Variants in KCNQ5 observed in about 807,000 individuals in gnomAD.
KCNQ5 encodes the protein potassium voltage-gated channel subfamily Q member 5, also known as potassium voltage-gated channel subfamily KQT member 5.
A neutral mutation model predicts 98.2 loss-of-function variants in KCNQ5; 30 were observed. The ratio of observed to expected loss-of-function variants is 0.31; its 90% CI spans 0.23 to 0.41. The LOEUF is 0.41. Among genes scored for constraint, KCNQ5 ranks in the 10% least tolerant of loss-of-function variants. The pLI is 1.00. For synonymous variants in KCNQ5, 458 were observed against 449.4 expected (o/e 1.02, Z -0.24); for missense variants, 835 against 1,182.5 (o/e 0.71, Z 4.31).
intron 5 of KCNQ5, among the ~76,000 whole-genome samples, chr6:73,101,140 G>A (rs1208733603): frequency 6.6e-6 from 1 of 152,024 alleles, no homozygotes; most frequent in Non-Finnish European, 1.5e-5. Context: ...CATTCTATGA[G>A]GCCAGTGTTA....
intron 1 of KCNQ5, among the ~76,000 whole-genome samples, chr6:72,754,596 G>A (rs1488936621): frequency 6.6e-6 from 1 of 151,986 alleles, no homozygotes; most frequent in Non-Finnish European, 1.5e-5. Context: ...AAATTGCATA[G>A]GAAAGCACCA....
intron 2 of KCNQ5, among the ~76,000 whole-genome samples, chr6:73,007,296 G>A (rs1439896228): frequency 6.6e-6 from 1 of 152,152 alleles, no homozygotes; most frequent in African/African-American, 2.4e-5. Flanking sequence ...ATAGACTTAA[G>A]AATGTGATAC....
intron 1 of KCNQ5, among the ~76,000 whole-genome samples, chr6:72,764,895 A>G (rs1450834935): frequency 2.6e-5 from 4 of 151,940 alleles, no homozygotes; most frequent in Non-Finnish European, 4.4e-5. Context: ...TGCCTGGCTT[A>G]TTTCACTTCA....
At chr6:73,060,775 C>T in intron 3 of KCNQ5, among the ~76,000 whole-genome samples, 1 of 152,108 alleles carries the variant, frequency 6.6e-6, no homozygotes, top group Non-Finnish European at 1.5e-5. Context: ...ACCTCTTAAA[C>T]ATACCCAGTC....
intron 11 of KCNQ5, among the ~76,000 whole-genome samples, chr6:73,188,335 A>G (rs1345538266): frequency 6.6e-6 from 1 of 152,260 alleles, no homozygotes; most frequent in African/African-American, 2.4e-5. Context: ...CATACAAAGT[A>G]CTTCACATAA....
chr6:72,703,129 G>A (rs1309378894), intron 1 of KCNQ5, among the ~76,000 whole-genome samples: 1 of 152,208 alleles, frequency 6.6e-6, no homozygotes, highest in Non-Finnish European at 1.5e-5. Flanking sequence ...TTTTATTAGA[G>A]CAGACTATAC....
intron 11 of KCNQ5, 143 bp downstream of exon 11, chr6:73,169,997 G>A (rs1777947282): frequency 1.6e-6 from 1 of 633,406 alleles, no homozygotes; most frequent in African/African-American, 1.8e-5. Context: ...CTATTGAATT[G>A]TGAAATATTT....
At chr6:73,096,589 A>C (rs75890401) in intron 5 of KCNQ5, among the ~76,000 whole-genome samples, 9 of 152,264 alleles carry the variant, frequency 5.9e-5, no homozygotes, top group Non-Finnish European at 1.0e-4. Flanking sequence ...TATCTAGTTA[A>C]CCTTCTCTTT....
intron 9 of KCNQ5, among the ~76,000 whole-genome samples, chr6:73,129,451 T>A (rs1386371161): frequency 2.0e-5 from 3 of 152,230 alleles, no homozygotes; most frequent in African/African-American, 7.2e-5. Context: ...TTCTTTGAAG[T>A]TCTAAAGTAC....
chr6:72,670,409 G>A (rs1362968431), intron 1 of KCNQ5, among the ~76,000 whole-genome samples: 1 of 152,028 alleles, frequency 6.6e-6, no homozygotes, highest in Non-Finnish European at 1.5e-5. Flanking sequence ...TGTACCTCCA[G>A]CTCTTGCAGC....
intron 1 of KCNQ5, among the ~76,000 whole-genome samples, chr6:72,833,256 C>T (rs527298767): frequency 1.6e-3 from 241 of 152,280 alleles, no homozygotes; most frequent in Admixed American, 3.5e-3. Flanking sequence ...TCTGTTTCCT[C>T]ATCCATAAAG....
At chr6:72,767,764 G>A (rs7770272) in intron 1 of KCNQ5, among the ~76,000 whole-genome samples, 5,798 of 152,040 alleles carry the variant, frequency 0.038, 356 homozygotes, top group African/African-American at 0.13. Context: ...TCAGTGAAAT[G>A]CAAAACAAAA....
intron 1 of KCNQ5, among the ~76,000 whole-genome samples, chr6:72,903,303 T>G (rs2150196758): frequency 6.6e-6 from 1 of 152,320 alleles, no homozygotes; most frequent in African/African-American, 2.4e-5. Flanking sequence ...TCATTTATCT[T>G]TTGTAATTTT....
intron 1 of KCNQ5, among the ~76,000 whole-genome samples, chr6:72,819,360 A>G (rs757199399): frequency 6.6e-6 from 1 of 152,160 alleles, no homozygotes; most frequent in African/African-American, 2.4e-5. Context: ...ATTATTAACT[A>G]TAGTCGCCCA....
At chr6:72,957,713 G>A (rs543362192) in intron 1 of KCNQ5, among the ~76,000 whole-genome samples, 4 of 152,110 alleles carry the variant, frequency 2.6e-5, no homozygotes, top group East Asian at 1.9e-4. Flanking sequence ...CCATAGCATC[G>A]GGAGCTTAAG....
intron 2 of KCNQ5, among the ~76,000 whole-genome samples, chr6:73,029,430 T>TA (rs1197048323): frequency 2.6e-5 from 4 of 151,446 alleles, no homozygotes; most frequent in South Asian, 2.1e-4. Flanking sequence ...TAGGGAGCAT[T>TA]AAAAAAAATG....
intron 1 of KCNQ5, chr6:72,987,440 T>TTCCAAGTTAGCCAA: frequency 2.9e-6 from 2 of 684,962 alleles, no homozygotes; most frequent in Non-Finnish European, 5.6e-6. Context: ...AGTGGGATAC[T>TTCCAAGTTAGCCAA]GCTGGTTTTG....
At chr6:72,969,930 G>A (rs927396786) in intron 1 of KCNQ5, among the ~76,000 whole-genome samples, 4 of 152,136 alleles carry the variant, frequency 2.6e-5, no homozygotes, top group Non-Finnish European at 4.4e-5. Context: ...CCTAAGGCCT[G>A]CATAGAAGAT....
At chr6:72,669,444 G>C (rs977459338) in intron 1 of KCNQ5, among the ~76,000 whole-genome samples, 1 of 152,152 alleles carries the variant, frequency 6.6e-6, no homozygotes, top group East Asian at 1.9e-4. Context: ...TGACTTTCCA[G>C]GCCTGGGGTT....
Sources: allele counts gnomAD v4.1 joint callset (sites outside exome capture counted in the v4.1 genomes callset), GRCh38; gene constraint gnomAD v4.1.1; transcripts MANE v1.5; gene names NCBI Gene and HGNC (gene_info 2026-07-23, HGNC 2026-07-21).